The following JAM3 variants were observed in gnomAD, a reference collection of about 807,000 sequenced individuals.
The protein encoded by JAM3 is junctional adhesion molecule C.
JAM3 carries 31 observed loss-of-function variants against 39.4 expected under a neutral mutation model. The ratio of observed to expected loss-of-function variants is 0.79; its 90% CI spans 0.59 to 1.06. The LOEUF (loss-of-function observed/expected upper bound fraction) is 1.06, where lower values mean the gene tolerates loss of function less well. Ranked by LOEUF, JAM3 falls within the 50% of genes least tolerant of loss-of-function variation. The pLI is 0.00. For missense variants in JAM3, 455 were observed against 391.4 expected (o/e 1.16, Z -1.37); for synonymous variants, 182 against 148.7 (o/e 1.22, Z -1.63).
chr11:134,104,075 G>C (rs1143810), intron 1 of JAM3, among the ~76,000 whole-genome samples: 1 of 152,048 alleles, frequency 6.6e-6, no homozygotes, highest in East Asian at 1.9e-4. Context: ...GCATCACATC[G>C]CACTTATTCC....
intron 1 of JAM3, among the ~76,000 whole-genome samples, chr11:134,115,447 C>T (rs902163748): frequency 1.1e-4 from 17 of 151,860 alleles, no homozygotes; most frequent in African/African-American, 3.6e-4. Flanking sequence ...CTTTTTATGC[C>T]TTCTTTTCTA....
intron 1 of JAM3, among the ~76,000 whole-genome samples, chr11:134,127,257 A>G (rs1363307646): frequency 2.0e-5 from 3 of 152,236 alleles, no homozygotes; most frequent in African/African-American, 7.2e-5. Context: ...TGGAAATGAT[A>G]CCACTTGCTC....
chr11:134,094,188 T>C (rs1941931446), intron 1 of JAM3, among the ~76,000 whole-genome samples: 1 of 139,198 alleles, frequency 7.2e-6, no homozygotes, highest in Non-Finnish European at 1.6e-5. Flanking sequence ...ACCCTCCTTA[T>C]TCATCATGTT....
rs142624133 is a variant in JAM3 at position 134,084,733 on chromosome 11, C to T, written c.76+15574C>T. Among the ~76,000 whole-genome samples, 192 of 152,284 alleles carry T rather than the reference C, an allele frequency of 1.3e-3. 2 individuals carry two copies. The highest frequency in any genetic ancestry group is 4.4e-3 in the African/African-American group (183 of 41,552). On this transcript the variant is annotated intron_variant, in intron 1 of 8. Transcript: ENST00000299106. ...GCTCATCTAACCAGTTTTAGAGCCC[C>T]TCGCTTACAAAGGAACCACTTACAA...
At chr11:134,089,770 C>T (rs1465793356) in intron 1 of JAM3, among the ~76,000 whole-genome samples, 5 of 152,264 alleles carry the variant, frequency 3.3e-5, no homozygotes, top group South Asian at 2.1e-4. Flanking sequence ...AGTAAACATA[C>T]GTGTGCATGT....
chr11:134,069,948 G>A (rs1174950257), intron 1 of JAM3, among the ~76,000 whole-genome samples: 1 of 152,156 alleles, frequency 6.6e-6, no homozygotes, highest in Non-Finnish European at 1.5e-5. Flanking sequence ...AATAGCATTC[G>A]GGGCATTTGA....
chr11:134,107,217 C>A (rs2120709532), intron 1 of JAM3, among the ~76,000 whole-genome samples: 1 of 152,250 alleles, frequency 6.6e-6, no homozygotes, highest in South Asian at 2.1e-4. Context: ...TCATTCTCAG[C>A]AAACTATCGC....
chr11:134,110,609 G>A (rs1462078348), intron 1 of JAM3, among the ~76,000 whole-genome samples: 3 of 152,168 alleles, frequency 2.0e-5, no homozygotes, highest in African/African-American at 7.2e-5. Context: ...TGACAAAATC[G>A]CTAAGTGGTT....
intron 1 of JAM3, among the ~76,000 whole-genome samples, chr11:134,113,879 G>T (rs1222234065): frequency 2.6e-5 from 4 of 152,112 alleles, no homozygotes; most frequent in Admixed American, 6.6e-5. Context: ...TTTAATGATC[G>T]CAATTCTAAC....
chr11:134,129,759 T>TGGG (rs1169331145), intron 1 of JAM3, among the ~76,000 whole-genome samples: 25 of 152,310 alleles, frequency 1.6e-4, no homozygotes, highest in Admixed American at 1.6e-3. Context: ...CCTAACACTT[T>TGGG]GGGAGGCCGA....
intron 1 of JAM3, among the ~76,000 whole-genome samples, chr11:134,128,566 G>A (rs1181813530): frequency 6.6e-6 from 1 of 152,134 alleles, no homozygotes; most frequent in Non-Finnish European, 1.5e-5. Context: ...TCTCATGATT[G>A]TGAGTTCTCA....
intron 8 of JAM3, 119 bp from the exon 9 acceptor site, chr11:134,149,027 A>G (rs923663804): frequency 4.4e-5 from 55 of 1,242,224 alleles, no homozygotes; most frequent in Non-Finnish European, 6.2e-5. Context: ...AGCGCTAGTG[A>G]TGGTACTTTT....
At chr11:134,141,479 T>G (rs1039778224) in intron 3 of JAM3, among the ~76,000 whole-genome samples, 2 of 149,094 alleles carry the variant, frequency 1.3e-5, no homozygotes, top group Non-Finnish European at 3.0e-5. Flanking sequence ...GCTGGAGAGG[T>G]TGCCTGGCCA....
chr11:134,092,042 T>C (rs1941868757), intron 1 of JAM3, among the ~76,000 whole-genome samples: 1 of 152,160 alleles, frequency 6.6e-6, no homozygotes, highest in South Asian at 2.1e-4. Flanking sequence ...AGTATACTAC[T>C]CTTTTCATCC....
chr11:134,132,789 C>T (rs1429160651), intron 1 of JAM3, among the ~76,000 whole-genome samples: 1 of 152,122 alleles, frequency 6.6e-6, no homozygotes, highest in Non-Finnish European at 1.5e-5. Context: ...ACGAGAATGT[C>T]TGGGGGGGCC....
At position 134,088,843 on chromosome 11, in the gene JAM3, G is replaced by A. The variant is rs574204790; in HGVS notation, c.76+19684G>A. ...CTCACTCTGTCACCCCTGCTGGAGT[G>A]CAGTGGAGCAATCTCAGCTCACTGC... is the stretch of plus-strand genomic sequence containing the variant. On this transcript the variant is annotated intron_variant, in intron 1 of 8. Coordinates refer to ENST00000299106, the MANE Select transcript of JAM3 (RefSeq NM_032801.5). Among the ~76,000 whole-genome samples the A allele has an allele frequency of 3.9e-5, 6 of 152,322 alleles. No homozygotes were observed. In the South Asian group the frequency reaches 1.2e-3, roughly 32 times the overall value.
rs71038561 is a variant in JAM3, at chr11:134,111,133, C to CTTTTTTT, written c.77-28696_77-28690dup. 1.0e-3 allele frequency among the ~76,000 whole-genome samples: 87 copies of CTTTTTTT among 86,778 alleles called. 9 individuals are homozygous for CTTTTTTT. The highest frequency in any genetic ancestry group is 3.8e-3 in the African/African-American group (69 of 18,146). 56.9% of individuals were successfully genotyped at this position (86,778 alleles called of 152,430 possible). ...TGTACCATACCCAACACACATCCAT[C>CTTTTTTT]TTTTTTTTTTTTTTTTTTTTTTTTT... On this transcript the variant is annotated intron_variant, in intron 1 of 8. Coordinates refer to ENST00000299106, the MANE Select transcript of JAM3 (RefSeq NM_032801.5).
At chr11:134,109,754 C>G (rs533864437) in intron 1 of JAM3, among the ~76,000 whole-genome samples, 1 of 152,266 alleles carries the variant, frequency 6.6e-6, no homozygotes, top group African/African-American at 2.4e-5. Flanking sequence ...AGAAAAGGAG[C>G]AGGTAGGGAA....
At chr11:134,082,120 C>G (rs1044879808) in intron 1 of JAM3, among the ~76,000 whole-genome samples, 5 of 152,182 alleles carry the variant, frequency 3.3e-5, no homozygotes, top group African/African-American at 9.6e-5. Flanking sequence ...TTCGGACTTG[C>G]ATGGGGCCTA....
Sources: allele counts gnomAD v4.1 joint callset (sites outside exome capture counted in the v4.1 genomes callset), GRCh38; gene constraint gnomAD v4.1.1; transcripts MANE v1.5; gene names NCBI Gene and HGNC (gene_info 2026-07-23, HGNC 2026-07-21).